Variants in GALNT13 observed in about 807,000 individuals in gnomAD.
The protein encoded by GALNT13 is UDP-GalNAc:polypeptide N-acetylgalactosaminyltransferase 13.
In GALNT13, 28 loss-of-function variants were observed where a neutral mutation model predicts 64.2. That is an observed-to-expected ratio of 0.44 (90% CI 0.32 to 0.60). The LOEUF is 0.60. GALNT13 is among the 20% of genes least tolerant of loss of function. The pLI is 0.05. For missense variants in GALNT13, 577 were observed against 669.8 expected (o/e 0.86, Z 1.53); for synonymous variants, 214 against 224.6 (o/e 0.95, Z 0.42).
the GALNT13 span, among the ~76,000 whole-genome samples, chr2:153,669,812 T>A: frequency 6.6e-6 from 1 of 152,204 alleles, no homozygotes; most frequent in Non-Finnish European, 1.5e-5. Context: ...GGTATACTTC[T>A]GCCCAAATAC....
chr2:153,319,571 AC>A, the GALNT13 span, among the ~76,000 whole-genome samples: 1 of 152,124 alleles, frequency 6.6e-6, no homozygotes, highest in Non-Finnish European at 1.5e-5. Context: ...GAGCCACTGC[AC>A]CCAGCCATGT....
the GALNT13 span, among the ~76,000 whole-genome samples, chr2:153,610,836 A>G: frequency 6.6e-6 from 1 of 152,224 alleles, no homozygotes; most frequent in African/African-American, 2.4e-5. Context: ...AATTGTATTA[A>G]TACTAGAAAA....
At chr2:154,434,733 GACA>G (rs1001884598) in intron 11 of GALNT13, among the ~76,000 whole-genome samples, 11 of 151,744 alleles carry the variant, frequency 7.2e-5, no homozygotes, top group African/African-American at 2.7e-4. Context: ...TTACAGTTGA[GACA>G]ACATGAACAT....
chr2:153,422,498 T>C, the GALNT13 span, among the ~76,000 whole-genome samples: 16 of 152,248 alleles, frequency 1.1e-4, no homozygotes, highest in Non-Finnish European at 2.4e-4. Flanking sequence ...CAATACTGCA[T>C]TGTCCACTTA....
At chr2:153,662,433 G>A in the GALNT13 span, among the ~76,000 whole-genome samples, 4 of 152,152 alleles carry the variant, frequency 2.6e-5, no homozygotes, top group Non-Finnish European at 5.9e-5. Context: ...CTGCTCTGCA[G>A]GGAACTTAGC....
At position 154,093,038 on chromosome 2, in the gene GALNT13, A is replaced by G. The variant is rs77228380; in HGVS notation, c.143-47299A>G. ...AGAAAAAATTTAAAATATAAATTTAAGTACTTGAAGTGAAATACTCAAAAG... is the reference window on the plus strand; with the variant it reads ...AGAAAAAATTTAAAATATAAATTTAGGTACTTGAAGTGAAATACTCAAAAG... On this transcript the variant is annotated intron_variant, in intron 3 of 12. Coordinates refer to ENST00000392825, the MANE Select transcript of GALNT13 (RefSeq NM_052917.4). Among the ~76,000 whole-genome samples the G allele has an allele frequency of 2.9e-3, 444 of 152,156 alleles. 5 individuals are homozygous for G. The South Asian group carries it at 0.049, about 17-fold the overall frequency.
At chr2:154,133,648 A>G (rs999481003) in intron 3 of GALNT13, among the ~76,000 whole-genome samples, 2 of 147,148 alleles carry the variant, frequency 1.4e-5, no homozygotes, top group Non-Finnish European at 3.0e-5. Flanking sequence ...CAGTCTTTTG[A>G]TAATAGAACT....
intron 4 of GALNT13, chr2:154,236,141 G>T: frequency 5.3e-6 from 6 of 1,125,404 alleles, no homozygotes; most frequent in Non-Finnish European, 5.6e-6. Context: ...CTGCTTTCGT[G>T]ACAGTAAATA....
At chr2:154,063,559 ATTGATTTTATAATTTATTTGGAAGGGTG>A (rs963732963) in intron 3 of GALNT13, among the ~76,000 whole-genome samples, 2 of 152,048 alleles carry the variant, frequency 1.3e-5, no homozygotes, top group Admixed American at 1.3e-4. Flanking sequence ...TTTTGCTATT[ATTGATTTTATAATTTATTTGGAAGGGTG>A]TGGAGGAGAT....
the GALNT13 span, among the ~76,000 whole-genome samples, chr2:153,176,640 A>G: frequency 1.3e-5 from 2 of 151,858 alleles, no homozygotes; most frequent in African/African-American, 4.8e-5. Flanking sequence ...CTAATTATCT[A>G]TTTAGATCCT....
chr2:154,389,650 G>A (rs1574218006), intron 9 of GALNT13, among the ~76,000 whole-genome samples: 1 of 152,084 alleles, frequency 6.6e-6, no homozygotes, highest in African/African-American at 2.4e-5. Context: ...CCAGGGGTTT[G>A]GTCTAAGGCC....
At chr2:154,291,785 C>G (rs2105963417) in intron 8 of GALNT13, among the ~76,000 whole-genome samples, 1 of 152,388 alleles carries the variant, frequency 6.6e-6, no homozygotes, top group Non-Finnish European at 1.5e-5. Flanking sequence ...TTGAGCTCAG[C>G]AAGAGCGGAC....
the GALNT13 span, among the ~76,000 whole-genome samples, chr2:153,702,058 T>A: frequency 9.2e-5 from 14 of 152,114 alleles, no homozygotes; most frequent in African/African-American, 3.1e-4. Context: ...CTATTCACAA[T>A]AGCAAAGACA....
At chr2:154,200,091 T>C (rs1469618222) in intron 4 of GALNT13, among the ~76,000 whole-genome samples, 3 of 152,040 alleles carry the variant, frequency 2.0e-5, no homozygotes, top group Non-Finnish European at 4.4e-5. Flanking sequence ...TCTTAAATAT[T>C]AAGGCATTAA....
At chr2:153,580,441 T>C in the GALNT13 span, among the ~76,000 whole-genome samples, 1 of 152,126 alleles carries the variant, frequency 6.6e-6, no homozygotes, top group Admixed American at 6.5e-5. Context: ...GGAAACTCAC[T>C]TTTAGCTGAG....
chr2:153,619,481 T>C, the GALNT13 span, among the ~76,000 whole-genome samples: 1 of 152,266 alleles, frequency 6.6e-6, no homozygotes, highest in African/African-American at 2.4e-5. Flanking sequence ...TCTGAGTTTT[T>C]TTCTGTGTAT....
At chr2:153,201,312 G>A in the GALNT13 span, among the ~76,000 whole-genome samples, 1 of 152,250 alleles carries the variant, frequency 6.6e-6, no homozygotes, top group East Asian at 1.9e-4. Flanking sequence ...ATAGGATGAA[G>A]GTAGAAAAAC....
intron 8 of GALNT13, among the ~76,000 whole-genome samples, chr2:154,285,701 T>C (rs1692226262): frequency 6.6e-6 from 1 of 152,146 alleles, no homozygotes; most frequent in South Asian, 2.1e-4. Context: ...GTATTCAGAG[T>C]CTTTTCTGCT....
chr2:154,336,659 T>C (rs1695461255), intron 9 of GALNT13, among the ~76,000 whole-genome samples: 3 of 152,222 alleles, frequency 2.0e-5, no homozygotes, highest in African/African-American at 7.2e-5. Flanking sequence ...ACTATAATTA[T>C]AAAATTAGTT....
Sources: allele counts gnomAD v4.1 joint callset (sites outside exome capture counted in the v4.1 genomes callset), GRCh38; gene constraint gnomAD v4.1.1; transcripts MANE v1.5; gene names NCBI Gene and HGNC (gene_info 2026-07-23, HGNC 2026-07-21).